The following CSMD1 variants were observed in gnomAD, a reference collection of about 807,000 sequenced individuals.
The protein encoded by CSMD1 is CUB and Sushi multiple domains 1, also known as CUB and sushi domain-containing protein 1.
Under a neutral mutation model 417.5 loss-of-function variants are expected in CSMD1, and 213 were observed. The observed-to-expected ratio is 0.51, with a 90% CI of 0.46 to 0.57. CSMD1 has a LOEUF of 0.57. Among genes scored for constraint, CSMD1 ranks in the 20% least tolerant of loss-of-function variants. The pLI is 0.00. For missense variants in CSMD1, 6,923 were observed against 4,529.7 expected (o/e 1.53, Z -15.17); for synonymous variants, 2,862 against 1,736.8 (o/e 1.65, Z -16.11).
At chr8:3,177,747 C>A (rs571403372) in intron 37 of CSMD1, among the ~76,000 whole-genome samples, 3 of 152,182 alleles carry the variant, frequency 2.0e-5, no homozygotes, top group African/African-American at 7.2e-5. Flanking sequence ...CAGATCAATA[C>A]TGAGTTCAAT....
chr8:4,885,079 A>C (rs1438053629), intron 1 of CSMD1, among the ~76,000 whole-genome samples: 3 of 152,080 alleles, frequency 2.0e-5, no homozygotes, highest in African/African-American at 7.2e-5. Flanking sequence ...GTATTATTGC[A>C]TTCTTTTAGA....
At chr8:4,592,593 G>A (rs937501345) in intron 2 of CSMD1, among the ~76,000 whole-genome samples, 1 of 151,918 alleles carries the variant, frequency 6.6e-6, no homozygotes, top group Admixed American at 6.6e-5. Flanking sequence ...CACCATGTTG[G>A]CCAGGCTGGT....
intron 7 of CSMD1, among the ~76,000 whole-genome samples, chr8:3,651,094 G>T (rs1479246087): frequency 6.6e-6 from 1 of 152,092 alleles, no homozygotes; most frequent in African/African-American, 2.4e-5. Context: ...GCATACAATG[G>T]CCGTTTATCA....
At chr8:3,635,319 C>G (rs1007969989) in intron 7 of CSMD1, among the ~76,000 whole-genome samples, 1 of 151,878 alleles carries the variant, frequency 6.6e-6, no homozygotes, top group Non-Finnish European at 1.5e-5. Context: ...ACTAAAAATA[C>G]AAAAATTAGC....
At chr8:4,111,889 A>T (rs1463506793) in intron 3 of CSMD1, among the ~76,000 whole-genome samples, 5 of 152,270 alleles carry the variant, frequency 3.3e-5, no homozygotes, top group African/African-American at 1.2e-4. Flanking sequence ...TATGTAAGAA[A>T]CCTGCACATC....
chr8:4,640,821 T>A (rs184575767), intron 1 of CSMD1, among the ~76,000 whole-genome samples: 1 of 148,004 alleles, frequency 6.8e-6, no homozygotes, highest in African/African-American at 2.5e-5. Flanking sequence ...TTAGTTAAAA[T>A]TAAGATGTTA....
intron 49 of CSMD1, among the ~76,000 whole-genome samples, chr8:3,082,727 T>C (rs1814195805): frequency 6.6e-6 from 1 of 152,228 alleles, no homozygotes; most frequent in Non-Finnish European, 1.5e-5. Context: ...GCTTTGCCTG[T>C]ACTCTTGAAT....
chr8:3,562,046 C>A (rs1290641282), intron 10 of CSMD1, among the ~76,000 whole-genome samples: 2 of 151,786 alleles, frequency 1.3e-5, no homozygotes, highest in Non-Finnish European at 2.9e-5. Context: ...CCACCCATCT[C>A]ATAAAACACT....
At chr8:3,625,065 A>G (rs1030937836) in intron 7 of CSMD1, among the ~76,000 whole-genome samples, 2 of 119,552 alleles carry the variant, frequency 1.7e-5, no homozygotes, top group Non-Finnish European at 3.9e-5. Flanking sequence ...TTCTACATGC[A>G]TAACAGTTTT....
In CSMD1 at chr8:4,129,058, G is replaced by C. The variant is rs571302857; in HGVS notation, c.416-96959C>G. Among the ~76,000 whole-genome samples, 9 of 119,638 alleles carry C rather than the reference G, an allele frequency of 7.5e-5. No homozygotes were observed. The East Asian group carries it at 1.6e-3, about 22-fold the overall frequency. 78.5% of individuals were successfully genotyped at this position (119,638 alleles called of 152,430 possible). On this transcript the variant is annotated intron_variant, in intron 3 of 69. Transcript: ENST00000635120. ...GCCACTGCACTCCAGCGTGGTTACA[G>C]AGTGAGAGTCCAACTCAAAAAAAAA...
intron 1 of CSMD1, among the ~76,000 whole-genome samples, chr8:4,891,795 T>C (rs532070459): frequency 6.6e-6 from 1 of 152,280 alleles, no homozygotes; most frequent in Non-Finnish European, 1.5e-5. Context: ...TAGCAACCCA[T>C]GTAGTCTAAC....
At chr8:3,234,757 G>A (rs1245615337) in intron 26 of CSMD1, among the ~76,000 whole-genome samples, 4 of 152,164 alleles carry the variant, frequency 2.6e-5, no homozygotes, top group Non-Finnish European at 4.4e-5. Context: ...TTCTAACGTA[G>A]AACACTAATC....
chr8:4,795,207 T>C (rs1025294788), intron 1 of CSMD1, among the ~76,000 whole-genome samples: 16 of 147,016 alleles, frequency 1.1e-4, no homozygotes, highest in Admixed American at 6.1e-4. Flanking sequence ...AGCTCACATA[T>C]TGAGGTGCAA....
At chr8:3,995,212 T>C (rs746234947) in intron 5 of CSMD1, among the ~76,000 whole-genome samples, 1 of 152,240 alleles carries the variant, frequency 6.6e-6, no homozygotes, top group South Asian at 2.1e-4. Flanking sequence ...ATGTTTTAAA[T>C]GTGCTCCTGT....
intron 3 of CSMD1, among the ~76,000 whole-genome samples, chr8:4,158,735 G>A (rs1377869841): frequency 6.6e-6 from 1 of 152,068 alleles, no homozygotes; most frequent in Non-Finnish European, 1.5e-5. Context: ...AACCCCATGA[G>A]AACCACCATC....
At chr8:4,237,987 C>A (rs1802167817) in intron 3 of CSMD1, among the ~76,000 whole-genome samples, 1 of 152,180 alleles carries the variant, frequency 6.6e-6, no homozygotes, top group Non-Finnish European at 1.5e-5. Context: ...GTGACAGAGG[C>A]ATGCACAGGC....
chr8:4,514,392 C>T (rs952955819), intron 2 of CSMD1, among the ~76,000 whole-genome samples: 10 of 152,112 alleles, frequency 6.6e-5, no homozygotes, highest in African/African-American at 2.4e-4. Context: ...GGGACACAGG[C>T]AGTCCACAAT....
intron 6 of CSMD1, among the ~76,000 whole-genome samples, chr8:3,745,885 G>A (rs1248660998): frequency 6.6e-6 from 1 of 152,152 alleles, no homozygotes; most frequent in African/African-American, 2.4e-5. Context: ...AATTGCCTGG[G>A]GAGCAGTCAC....
chr8:4,813,033 C>A (rs1000101163), intron 1 of CSMD1, among the ~76,000 whole-genome samples: 3 of 152,094 alleles, frequency 2.0e-5, no homozygotes. Flanking sequence ...CCACAAGAAA[C>A]AAAACACAAA....
Sources: gnomAD v4.1 joint callset for allele counts (sites outside exome capture counted in the v4.1 genomes callset) on GRCh38, gnomAD v4.1.1 for gene constraint, MANE v1.5 for transcripts, NCBI Gene and HGNC (gene_info 2026-07-23, HGNC 2026-07-21) for gene names.